MLLT10: variants seen among roughly 807,000 people sequenced by gnomAD.
The protein encoded by MLLT10 is MLLT10 histone lysine methyltransferase DOT1L cofactor.
Under a neutral mutation model 129.1 loss-of-function variants are expected in MLLT10, and 30 were observed. The observed-to-expected ratio is 0.23, with a 90% CI of 0.17 to 0.32. MLLT10 has a LOEUF of 0.32. Ranked by LOEUF, MLLT10 falls within the 10% of genes least tolerant of loss-of-function variation. The pLI is 1.00. For missense variants in MLLT10, 1,119 were observed against 1,268.3 expected (o/e 0.88, Z 1.79); for synonymous variants, 490 against 446.4 (o/e 1.10, Z -1.23).
intron 7 of MLLT10, among the ~76,000 whole-genome samples, chr10:21,616,699 A>C (rs1455331373): frequency 1.3e-5 from 2 of 152,098 alleles, no homozygotes; most frequent in African/African-American, 4.8e-5. Flanking sequence ...GTATAAGATT[A>C]AAAGTCTTTT....
intron 10 of MLLT10, 30 bp from the exon 11 acceptor site, chr10:21,673,318 CTT>C (rs397719980): frequency 0.12 from 36,611 of 303,722 alleles, 9 homozygotes; most frequent in Middle Eastern, 0.14. Flanking sequence ...CACCCCCCAA[CTT>C]TTTTTTTTTT....
At chr10:21,584,722 A>G (rs2041825850) in intron 3 of MLLT10, among the ~76,000 whole-genome samples, 1 of 151,674 alleles carries the variant, frequency 6.6e-6, no homozygotes, top group Non-Finnish European at 1.5e-5. Context: ...GTGTATATAT[A>G]TTTATATGTA....
rs147585891 is a variant in MLLT10 at position 21,726,299 on chromosome 10, A to G, written c.1934A>G (p.Asn645Ser). The G allele has an allele frequency of 1.2e-6, 2 of 1,613,540 alleles. No homozygotes were observed. Among genetic ancestry groups the G allele is most frequent in the Non-Finnish European group, 1.7e-6 (2 of 1,179,704 alleles). The change falls in exon 15 of 23, where the codon AAT becomes AGT. Residue 645 changes from asparagine to serine, a missense_variant. Around this residue, in one of 5 missense-constraint regions of MLLT10, gnomAD observed 1,004 missense variants for 1,008.7 expected, o/e 1.00. Coordinates refer to ENST00000307729, the MANE Select transcript of MLLT10 (RefSeq NM_001195626.3). ...CAGGCACCATCTCATATGTATGGCA[A>G]TAGATCAAATTCATCAATGGCAGCT... Reference protein sequence around the residue: ...LSQAPSHMYGNRSNSSMAALI... With the variant: ...LSQAPSHMYGSRSNSSMAALI...
chr10:21,612,342 C>G lies in MLLT10; in HGVS notation c.406-6C>G. ...GATTTTTGTCTTTTTTTTTTTTAACCCCAAGACTTGCTACATTTGTGATGA... is the reference window on the plus strand; with the variant it reads ...GATTTTTGTCTTTTTTTTTTTTAACGCCAAGACTTGCTACATTTGTGATGA... On this transcript the variant is annotated splice_polypyrimidine_tract_variant and splice_region_variant and intron_variant, in intron 5 of 22. Transcript: ENST00000307729. 6.3e-7 allele frequency: 1 copy of G among 1,579,360 alleles called. No individual in the cohort carries two copies. The highest frequency in any genetic ancestry group is 8.6e-7 in the Non-Finnish European group (1 of 1,158,910).
intron 13 of MLLT10, among the ~76,000 whole-genome samples, chr10:21,712,860 T>G (rs1446085655): frequency 6.6e-6 from 1 of 152,278 alleles, no homozygotes; most frequent in Non-Finnish European, 1.5e-5. Context: ...CCCATTTCTT[T>G]ATCCTGAAAG....
intron 4 of MLLT10, among the ~76,000 whole-genome samples, chr10:21,593,335 C>T (rs117830458): frequency 0.016 from 2,376 of 152,082 alleles, 33 homozygotes; most frequent in Middle Eastern, 0.027. Flanking sequence ...TCAAGTGATC[C>T]GCCTCAGCCT....
chr10:21,685,125 GA>G (rs1447255902), intron 13 of MLLT10, among the ~76,000 whole-genome samples: 2 of 150,300 alleles, frequency 1.3e-5, no homozygotes, highest in African/African-American at 4.9e-5. Context: ...TTGTTTTTGT[GA>G]AATATATCTT....
At chr10:21,615,617 C>T in intron 7 of MLLT10, among the ~76,000 whole-genome samples, 1 of 151,766 alleles carries the variant, frequency 6.6e-6, no homozygotes, top group South Asian at 2.1e-4. Flanking sequence ...TTGTGATTAT[C>T]ACTTTGTTTC....
intron 6 of MLLT10, 105 bp from the exon 7 acceptor site, chr10:21,614,726 T>G (rs1444503724): frequency 1.2e-6 from 1 of 803,954 alleles, no homozygotes; most frequent in African/African-American, 1.8e-5. Flanking sequence ...TTAGGAGATG[T>G]TATTTTCTCA....
intron 4 of MLLT10, among the ~76,000 whole-genome samples, chr10:21,591,405 T>C (rs1292021237): frequency 6.6e-6 from 1 of 152,224 alleles, no homozygotes; most frequent in Non-Finnish European, 1.5e-5. Context: ...TGTGACTTTC[T>C]CTTGACTATC....
intron 3 of MLLT10, among the ~76,000 whole-genome samples, chr10:21,544,389 A>G (rs2035749520): frequency 1.3e-5 from 2 of 152,176 alleles, no homozygotes; most frequent in Admixed American, 6.6e-5. Context: ...CCGTTTTGCT[A>G]TGGTGAGACA....
At chr10:21,734,988 G>T in intron 20 of MLLT10, 151 bp from the exon 21 acceptor site, 2 of 604,740 alleles carry the variant, frequency 3.3e-6, no homozygotes, top group Non-Finnish European at 5.8e-6. Context: ...CATATATATA[G>T]AAATTGTACA....
intron 8 of MLLT10, chr10:21,625,313 C>T (rs543802010): frequency 1.2e-4 from 94 of 795,124 alleles, no homozygotes; most frequent in East Asian, 1.1e-3. Flanking sequence ...AACAGCTGCT[C>T]GTCTGTCTTC....
intron 9 of MLLT10, among the ~76,000 whole-genome samples, chr10:21,657,241 A>C (rs2049685272): frequency 6.6e-6 from 1 of 151,930 alleles, no homozygotes; most frequent in African/African-American, 2.4e-5. Context: ...AAAATACAAA[A>C]AATTAGCTGG....
intron 8 of MLLT10, among the ~76,000 whole-genome samples, chr10:21,639,418 C>G (rs1226510671): frequency 6.6e-6 from 1 of 152,154 alleles, no homozygotes; most frequent in Non-Finnish European, 1.5e-5. Context: ...TTCCCACAGC[C>G]CCCTCCTTGG....
At chr10:21,680,262 G>C (rs907795529) in intron 11 of MLLT10, among the ~76,000 whole-genome samples, 1 of 151,448 alleles carries the variant, frequency 6.6e-6, no homozygotes, top group Non-Finnish European at 1.5e-5. Flanking sequence ...CCAGGCTGTA[G>C]TGCGATGGTG....
chr10:21,612,858 A>G (rs932251874), intron 6 of MLLT10, among the ~76,000 whole-genome samples: 6 of 152,180 alleles, frequency 3.9e-5, no homozygotes, highest in African/African-American at 1.4e-4. Context: ...AACCACTGTC[A>G]TTCTCAATAT....
chr10:21,592,702 C>G (rs7096002), intron 4 of MLLT10, among the ~76,000 whole-genome samples: 86,772 of 152,038 alleles, frequency 0.57, 25,530 homozygotes, highest in African/African-American at 0.71. Flanking sequence ...CTGATCTCTT[C>G]ATCCGCCCGC....
chr10:21,603,554 A>G (rs1012580769), intron 5 of MLLT10, among the ~76,000 whole-genome samples: 6 of 152,230 alleles, frequency 3.9e-5, no homozygotes, highest in African/African-American at 1.2e-4. Flanking sequence ...ATAATATAAC[A>G]AACAACCTGT....
Sources: allele counts gnomAD v4.1 joint callset (sites outside exome capture counted in the v4.1 genomes callset), GRCh38; gene constraint gnomAD v4.1.1; regional missense constraint gnomAD v4.1.1; transcripts MANE v1.5; gene names NCBI Gene and HGNC (gene_info 2026-07-23, HGNC 2026-07-21).